SMAD3: variants seen among roughly 807,000 people sequenced by gnomAD.
The protein encoded by SMAD3 is SMAD family member 3.
In SMAD3, 12 loss-of-function variants were observed where a neutral mutation model predicts 51.8. The ratio of observed to expected loss-of-function variants is 0.23; its 90% CI spans 0.15 to 0.38. The LOEUF is 0.38. Ranked by LOEUF, SMAD3 falls within the 10% of genes least tolerant of loss-of-function variation. SMAD3 has a pLI of 1.00. For synonymous variants in SMAD3, 238 were observed against 227.7 expected, an observed-to-expected ratio of 1.05 and a Z score of -0.41; for missense variants, 294 against 565.6, an observed-to-expected ratio of 0.52 and a Z score of 4.87.
chr15:67,108,083 G>A (rs551232255), intron 1 of SMAD3, among the ~76,000 whole-genome samples: 7 of 152,086 alleles, frequency 4.6e-5, no homozygotes, highest in Non-Finnish European at 1.0e-4. Context: ...CTAGTGCTTC[G>A]GGGATAACTC....
At chr15:67,085,879 CACACACACACACACACACACAT>C (rs1566963226) in intron 1 of SMAD3, among the ~76,000 whole-genome samples, 1 of 87,912 alleles carries the variant, frequency 1.1e-5, no homozygotes, top group Non-Finnish European at 2.6e-5. Flanking sequence ...CACACACACA[CACACACACACACACACACACAT>C]ACACAGAGAA....
At chr15:67,150,845 G>GTTTTTTTTTT (rs1342434861) in intron 1 of SMAD3, among the ~76,000 whole-genome samples, 3 of 14,400 alleles carry the variant, frequency 2.1e-4, no homozygotes, top group Non-Finnish European at 4.3e-4. Flanking sequence ...CTATTTCTCA[G>GTTTTTTTTTT]TCTTTTTTTT....
chr15:67,098,021 A>AT (rs1400340232), intron 1 of SMAD3, among the ~76,000 whole-genome samples: 1 of 152,050 alleles, frequency 6.6e-6, no homozygotes, highest in Non-Finnish European at 1.5e-5. Flanking sequence ...ATTCCCTACT[A>AT]AGCCTTGGTT....
intron 1 of SMAD3, among the ~76,000 whole-genome samples, chr15:67,088,313 G>C (rs928554270): frequency 6.6e-6 from 1 of 152,126 alleles, no homozygotes; most frequent in Non-Finnish European, 1.5e-5. Context: ...AGCTTTACTT[G>C]TTGGGTTGGA....
At chr15:67,170,753 AT>A in intron 5 of SMAD3, 149 bp downstream of exon 5, 1 of 671,532 alleles carries the variant, frequency 1.5e-6, no homozygotes, top group Non-Finnish European at 2.6e-6. Flanking sequence ...GGTTACGGTG[AT>A]GTTGAGGTCA....
chr15:67,184,381 A>G (rs928915175), intron 6 of SMAD3, among the ~76,000 whole-genome samples: 6 of 152,126 alleles, frequency 3.9e-5, no homozygotes, highest in African/African-American at 1.4e-4. Flanking sequence ...CTCTGGGATT[A>G]TTGGTGTGAG....
At chr15:67,092,442 C>T (rs905941945) in intron 1 of SMAD3, among the ~76,000 whole-genome samples, 5 of 152,236 alleles carry the variant, frequency 3.3e-5, no homozygotes, top group African/African-American at 1.2e-4. Context: ...GGGCCAGCAG[C>T]GTCAGCATCA....
chr15:67,144,573 G>T (rs1223106518), intron 1 of SMAD3, among the ~76,000 whole-genome samples: 1 of 152,156 alleles, frequency 6.6e-6, no homozygotes, highest in Non-Finnish European at 1.5e-5. Flanking sequence ...TTTGCTATGT[G>T]CCAGGCTTGA....
Position 67,166,269 on chromosome 15 carries a change from A to G in SMAD3, c.533-510A>G, listed in dbSNP as rs186178811. 3.4e-3 allele frequency: 2,161 copies of G among 627,202 alleles called. 43 individuals are homozygous for G. The African/African-American group carries it at 0.039, about 11-fold the overall frequency. 38.9% of individuals were successfully genotyped at this position (627,202 alleles called of 1,614,324 possible). On this transcript the variant is annotated intron_variant, in intron 3 of 8. Coordinates refer to ENST00000327367, the MANE Select transcript of SMAD3 (RefSeq NM_005902.4). ...AGGGTCTGGGGGAGGTTTCAGAGAAATAGATCACACTGTCTTTGCCGTCAT... is the reference window on the plus strand; with the variant it reads ...AGGGTCTGGGGGAGGTTTCAGAGAAGTAGATCACACTGTCTTTGCCGTCAT...
intron 1 of SMAD3, among the ~76,000 whole-genome samples, chr15:67,124,425 G>A (rs1961337192): frequency 6.9e-6 from 1 of 144,696 alleles, no homozygotes; most frequent in Non-Finnish European, 1.5e-5. Flanking sequence ...CTGGGTCCAA[G>A]AGGCTGGAGG....
chr15:67,194,863 C>T lies in SMAD3; in HGVS notation c.*4327C>T, dbSNP rs763963889. On this transcript the variant is annotated 3_prime_UTR_variant, in exon 9 of 9. Transcript: ENST00000327367. ...ATTACAGAGAGATGGAGCCATCTAT[C>T]CAAGAAGCCTTCACTCACCTTCACT... The T allele has an allele frequency of 4.3e-6, 1 of 233,428 alleles. No individual in the cohort carries two copies. The highest frequency in any genetic ancestry group is 8.5e-6 in the Non-Finnish European group (1 of 117,770). 14.5% of individuals were successfully genotyped at this position (233,428 alleles called of 1,614,324 possible).
In SMAD3 at chr15:67,184,857, C is replaced by A. The variant is rs748178271; in HGVS notation, c.1002C>A (p.Ile334=). 4 of 1,612,946 alleles carry A rather than the reference C, an allele frequency of 2.5e-6. No homozygotes were observed. The highest frequency in any genetic ancestry group is 2.0e-4 in the Middle Eastern group (1 of 5,038). ...GGCACCCGGCCACCGTCTGCAAGAT[C>A]CCACCAGGTAAACGAGCCGCACAGG... ...YGWHPATVCK[I]PPGCNLKIFN... is the part of the protein sequence containing the mutation. Residue 334 remains isoleucine, a synonymous_variant, in exon 7 of 9, where the codon ATC becomes ATA. Transcript: ENST00000327367.
rs990903901 is a variant in SMAD3 at position 67,193,112 on chromosome 15, G to A, written c.*2576G>A. 8.6e-6 allele frequency: 2 copies of A among 233,228 alleles called. No individual in the cohort carries two copies. The highest frequency in any genetic ancestry group is 1.7e-5 in the Non-Finnish European group (2 of 118,002). 14.4% of individuals were successfully genotyped at this position (233,228 alleles called of 1,614,324 possible). A position where few individuals can be genotyped will look rare whatever the true frequency, so the allele number is the denominator to read the frequency against. On this transcript the variant is annotated 3_prime_UTR_variant, in exon 9 of 9. Coordinates refer to ENST00000327367, the MANE Select transcript of SMAD3 (RefSeq NM_005902.4). ...TGTAACATTAGTGTCCTTCCTTGAA[G>A]CCACAAGCTAGTTTTCTTAGTTTTA...
intron 2 of SMAD3, 21 bp downstream of exon 2, chr15:67,165,109 G>T: frequency 6.2e-7 from 1 of 1,613,574 alleles, no homozygotes; most frequent in South Asian, 1.1e-5. Flanking sequence ...TGGCCTGCCT[G>T]TGGGGACAGC....
At chr15:67,122,488 T>C (rs1399350693) in intron 1 of SMAD3, among the ~76,000 whole-genome samples, 1 of 152,222 alleles carries the variant, frequency 6.6e-6, no homozygotes. Flanking sequence ...ATCTCTTGGG[T>C]TTTTTGGCCA....
In SMAD3 at chr15:67,190,628, C is replaced by T; in HGVS notation, c.*92C>T. 7.3e-7 allele frequency: 1 copy of T among 1,377,382 alleles called. No individual in the cohort carries two copies. Among genetic ancestry groups the T allele is most frequent in the South Asian group, 1.2e-5 (1 of 83,366 alleles). The allele number at this position is 1,377,382 out of a possible 1,614,324, so 85.3% of individuals were successfully genotyped here. On this transcript the variant is annotated 3_prime_UTR_variant, in exon 9 of 9. Transcript: ENST00000327367. ...GGAACTCTACTCAACCCATTGTTGT[C>T]AAGGAAGAAGAAATCTTTCTCCCTC... is the stretch of plus-strand genomic sequence containing the variant.
At chr15:67,146,994 G>C (rs968473465) in intron 1 of SMAD3, 2 of 152,100 alleles carry the variant, frequency 1.3e-5, no homozygotes, top group African/African-American at 2.4e-5. Context: ...CCTGCACCCC[G>C]CCAGGCCCTG....
intron 1 of SMAD3, among the ~76,000 whole-genome samples, chr15:67,083,662 C>T (rs4776881): frequency 0.54 from 82,656 of 151,954 alleles, 22,732 homozygotes; most frequent in South Asian, 0.73. Context: ...GGGATATCTT[C>T]CAGATCTGCA....
chr15:67,152,610 G>C (rs1962177144), intron 1 of SMAD3, among the ~76,000 whole-genome samples: 1 of 152,154 alleles, frequency 6.6e-6, no homozygotes, highest in Non-Finnish European at 1.5e-5. Flanking sequence ...ATGGGTCCAT[G>C]AGTGATCTCT....
Sources: allele counts gnomAD v4.1 joint callset (sites outside exome capture counted in the v4.1 genomes callset), GRCh38; gene constraint gnomAD v4.1.1; transcripts MANE v1.5; gene names NCBI Gene and HGNC (gene_info 2026-07-23, HGNC 2026-07-21).